EZH2: variants seen among roughly 807,000 people sequenced by gnomAD.
The protein encoded by EZH2 is histone-lysine N-methyltransferase EZH2.
In EZH2, 18 loss-of-function variants were observed where a neutral mutation model predicts 98.4. That is an observed-to-expected ratio of 0.18 (90% CI 0.13 to 0.27). EZH2 has a LOEUF of 0.27. EZH2 is among the 10% of genes least tolerant of loss of function. EZH2 has a pLI of 1.00. For missense variants in EZH2, 470 were observed against 935.1 expected, an observed-to-expected ratio of 0.50 and a Z score of 6.49; for synonymous variants, 338 against 312.3, an observed-to-expected ratio of 1.08 and a Z score of -0.87.
intron 17 of EZH2, among the ~76,000 whole-genome samples, chr7:148,809,678 T>A (rs571303382): frequency 6.8e-6 from 1 of 147,752 alleles, no homozygotes; most frequent in African/African-American, 2.5e-5. Flanking sequence ...AAAAAAAAAA[T>A]CTGACAAAAT....
intron 13 of EZH2, 35 bp from the exon 14 acceptor site, chr7:148,815,074 C>A (rs1563204281): frequency 6.2e-7 from 1 of 1,605,820 alleles, no homozygotes; most frequent in Non-Finnish European, 8.5e-7. Flanking sequence ...GCCAATGAAT[C>A]CAGGGAGATG....
chr7:148,838,193 C>T (rs575932272), intron 3 of EZH2, among the ~76,000 whole-genome samples: 13 of 151,802 alleles, frequency 8.6e-5, no homozygotes, highest in African/African-American at 3.1e-4. Context: ...CTCAGCCTCC[C>T]GAGTAGCTGG....
Position 148,828,757 on chromosome 7 carries a change from A to C in EZH2, c.608T>G (p.Leu203Arg), listed in dbSNP as rs758449513. 6.2e-7 allele frequency: 1 copy of C among 1,613,646 alleles called. No individual in the cohort carries two copies. Among genetic ancestry groups the C allele is most frequent in the South Asian group, 1.1e-5 (1 of 91,016 alleles). Residue 203 changes from leucine (L) to arginine (R), a missense_variant, in exon 6 of 20, where the codon CTG becomes CGG. By Grantham distance (102) the Leu-to-Arg change is moderately radical (BLOSUM62 -2). Coordinates refer to ENST00000320356, the MANE Select transcript of EZH2 (RefSeq NM_004456.5). The stretch of plus-strand genomic sequence containing the variant: ...AGGCATACCATCTCGGTGATCCTCC[A>C]GATCTTTCTGCTTTTCTTCTCTTTC... ...PEEREEKQKD[L>R]EDHRDDKESR...
intron 1 of EZH2, among the ~76,000 whole-genome samples, chr7:148,880,749 C>T (rs574602660): frequency 1.3e-5 from 2 of 152,324 alleles, no homozygotes; most frequent in South Asian, 2.1e-4. Context: ...TATTTCCCTA[C>T]ATTTTTCATA....
chr7:148,814,405 T>G (rs1584912758), intron 14 of EZH2, among the ~76,000 whole-genome samples: 1 of 152,202 alleles, frequency 6.6e-6, no homozygotes, highest in African/African-American at 2.4e-5. Flanking sequence ...AGGGTCTGGA[T>G]GGAACAATAT....
chr7:148,863,227 CAGAG>C, intron 1 of EZH2, among the ~76,000 whole-genome samples: 1 of 152,120 alleles, frequency 6.6e-6, no homozygotes, highest in Non-Finnish European at 1.5e-5. Context: ...TCTTGACTCA[CAGAG>C]AACCTAGAAC....
chr7:148,842,492 G>T (rs564009972), intron 3 of EZH2, among the ~76,000 whole-genome samples: 1 of 152,246 alleles, frequency 6.6e-6, no homozygotes, highest in Admixed American at 6.5e-5. Flanking sequence ...AAGTCACCTA[G>T]TAACAATTTC....
chr7:148,858,217 G>A (rs1006941844), intron 1 of EZH2, among the ~76,000 whole-genome samples: 2 of 151,856 alleles, frequency 1.3e-5, no homozygotes, highest in African/African-American at 4.8e-5. Flanking sequence ...GCGTGAACCC[G>A]GGAGGCAGAG....
At chr7:148,824,388 G>A (rs1807076841) in intron 8 of EZH2, among the ~76,000 whole-genome samples, 1 of 151,228 alleles carries the variant, frequency 6.6e-6, no homozygotes, top group African/African-American at 2.4e-5. Flanking sequence ...GTCAATGATG[G>A]ACCGCATATA....
chr7:148,859,804 C>A (rs1209151053), intron 1 of EZH2, among the ~76,000 whole-genome samples: 1 of 152,116 alleles, frequency 6.6e-6, no homozygotes, highest in Non-Finnish European at 1.5e-5. Flanking sequence ...AATGCAGGCT[C>A]AGTATATCCG....
chr7:148,813,043 C>T (rs1488155812), intron 15 of EZH2, among the ~76,000 whole-genome samples: 1 of 140,040 alleles, frequency 7.1e-6, no homozygotes, highest in African/African-American at 2.9e-5. Flanking sequence ...GTCTACTCTA[C>T]ACCCCACATA....
At chr7:148,823,502 G>A (rs907140444) in intron 8 of EZH2, among the ~76,000 whole-genome samples, 2 of 151,962 alleles carry the variant, frequency 1.3e-5, no homozygotes, top group African/African-American at 4.8e-5. Context: ...CAGAAAAAAG[G>A]GTATCTTTAT....
chr7:148,836,857 G>A, intron 3 of EZH2: 1 of 507,368 alleles, frequency 2.0e-6, no homozygotes, highest in Non-Finnish European at 3.9e-6. Flanking sequence ...CTGTGTGGCT[G>A]GACCACTGGG....
At position 148,813,773 on chromosome 7, in the gene EZH2, A is replaced by G. The variant is rs375484325; in HGVS notation, c.1851+186T>C. 2.0e-5 allele frequency among the ~76,000 whole-genome samples: 3 copies of G among 152,276 alleles called. No homozygotes were observed. In the East Asian group the frequency reaches 5.8e-4, roughly 29 times the overall value. On this transcript the variant is annotated intron_variant, in intron 15 of 19. Transcript: ENST00000320356. The stretch of plus-strand genomic sequence containing the variant: ...CTACTATCAGAGTATGGTGCTCTAT[A>G]TAAAACTGAAGAGACTGCCCAAGGG...
intron 1 of EZH2, among the ~76,000 whole-genome samples, chr7:148,849,205 C>T (rs1815036556): frequency 1.3e-5 from 2 of 151,852 alleles, no homozygotes; most frequent in Admixed American, 6.6e-5. Context: ...ACTGTTTATA[C>T]AAAAGCACTT....
At chr7:148,859,074 T>C (rs1817275013) in intron 1 of EZH2, among the ~76,000 whole-genome samples, 1 of 152,236 alleles carries the variant, frequency 6.6e-6, no homozygotes, top group African/African-American at 2.4e-5. Context: ...GAAGGGTTAA[T>C]ATGCATTCAT....
At chr7:148,814,211 C>A in intron 14 of EZH2, 74 bp from the exon 15 acceptor site, 2 of 1,365,902 alleles carry the variant, frequency 1.5e-6, no homozygotes, top group Non-Finnish European at 2.0e-6. Flanking sequence ...GTGGCAAGGG[C>A]TGTACTGGGC....
intron 19 of EZH2, among the ~76,000 whole-genome samples, chr7:148,808,722 A>G (rs1802208476): frequency 6.6e-6 from 1 of 152,196 alleles, no homozygotes. Context: ...TGTTGCAGAA[A>G]AATCTATAGG....
At chr7:148,836,287 C>G (rs959064466) in intron 3 of EZH2, among the ~76,000 whole-genome samples, 1 of 152,204 alleles carries the variant, frequency 6.6e-6, no homozygotes, top group African/African-American at 2.4e-5. Context: ...TCTACCCCCA[C>G]CTCACTGTAT....
Sources: allele counts gnomAD v4.1 joint callset (sites outside exome capture counted in the v4.1 genomes callset), GRCh38; gene constraint gnomAD v4.1.1; transcripts MANE v1.5; gene names NCBI Gene and HGNC (gene_info 2026-07-23, HGNC 2026-07-21).